The following NTM variants were observed in gnomAD, a reference collection of about 807,000 sequenced individuals.
NTM encodes the protein neurotrimin.
Under a neutral mutation model 42.1 loss-of-function variants are expected in NTM, and 13 were observed. That is an observed-to-expected ratio of 0.31 (90% CI 0.20 to 0.49). The LOEUF is 0.49. NTM is among the 20% of genes least tolerant of loss of function. NTM has a pLI of 0.99. For missense variants in NTM, 373 were observed against 452.8 expected, an observed-to-expected ratio of 0.82 and a Z score of 1.60; for synonymous variants, 187 against 179.2, an observed-to-expected ratio of 1.04 and a Z score of -0.35.
chr11:131,925,825 A>G (rs1014325709), intron 2 of NTM, among the ~76,000 whole-genome samples: 1 of 152,160 alleles, frequency 6.6e-6, no homozygotes, highest in Non-Finnish European at 1.5e-5. Flanking sequence ...AATGGAGGCA[A>G]TGCAGAGACA....
intron 1 of NTM, among the ~76,000 whole-genome samples, chr11:131,450,473 C>A (rs1279251734): frequency 6.6e-6 from 1 of 152,148 alleles, no homozygotes; most frequent in Admixed American, 6.5e-5. Context: ...TGAATCCCCA[C>A]TCTGACAGCT....
At chr11:131,883,205 C>T (rs1331972015) in intron 1 of NTM, among the ~76,000 whole-genome samples, 1 of 152,138 alleles carries the variant, frequency 6.6e-6, no homozygotes, top group Non-Finnish European at 1.5e-5. Context: ...CCTTTTCATG[C>T]CAATTATAGT....
At chr11:131,852,822 T>C (rs12225153) in intron 1 of NTM, among the ~76,000 whole-genome samples, 120,144 of 151,362 alleles carry the variant, frequency 0.79, 48,102 homozygotes, top group African/African-American at 0.88. Context: ...CATCAATTCA[T>C]CTTCTATTCA....
chr11:131,401,860 A>G lies in NTM; in HGVS notation c.82+30972A>G, dbSNP rs1307664444. On this transcript the variant is annotated intron_variant, in intron 1 of 8. Transcript: ENST00000683400. ...TATATATATATATATATATATATATATTTTAATTTAAACTAGGACCTTCAC... is the reference window on the plus strand; with the variant it reads ...TATATATATATATATATATATATATGTTTTAATTTAAACTAGGACCTTCAC... 1.4e-4 allele frequency among the ~76,000 whole-genome samples: 15 copies of G among 107,732 alleles called. No homozygotes were observed. In the East Asian group the frequency reaches 3.7e-3, roughly 27 times the overall value. The allele number at this position is 107,732 out of a possible 152,430, so 70.7% of individuals were successfully genotyped here.
intron 1 of NTM, chr11:131,536,903 A>G (rs2052329433): frequency 6.6e-6 from 1 of 152,252 alleles, no homozygotes; most frequent in Admixed American, 6.5e-5. Flanking sequence ...AGTCATATAA[A>G]TAATGCCCGG....
At chr11:131,814,973 C>T (rs968210836) in intron 1 of NTM, among the ~76,000 whole-genome samples, 1 of 152,012 alleles carries the variant, frequency 6.6e-6, no homozygotes, top group Non-Finnish European at 1.5e-5. Flanking sequence ...CAACACACTG[C>T]GGGCCATGGA....
chr11:132,287,520 G>A (rs1052859230), intron 4 of NTM, among the ~76,000 whole-genome samples: 2 of 152,048 alleles, frequency 1.3e-5, no homozygotes, highest in African/African-American at 4.8e-5. Flanking sequence ...ATAAATTCTT[G>A]GGGGAAAAGA....
At position 132,333,242 on chromosome 11, in the gene NTM, T is replaced by G. The variant is rs79938609; in HGVS notation, c.968-1804T>G. Among the ~76,000 whole-genome samples, 975 of 152,248 alleles carry G rather than the reference T, an allele frequency of 6.4e-3. 8 individuals are homozygous for G. The highest frequency in any genetic ancestry group is 0.022 in the African/African-American group (917 of 41,556). ...GGGCCATATGGACTCAGAACCACCCTTGTCGTCTCAGAGTCCTCAGCCTCG... is the reference window on the plus strand; with the variant it reads ...GGGCCATATGGACTCAGAACCACCCGTGTCGTCTCAGAGTCCTCAGCCTCG... On this transcript the variant is annotated intron_variant, in intron 8 of 8. Coordinates refer to ENST00000683400, the MANE Select transcript of NTM (RefSeq NM_001352005.2).
intron 1 of NTM, among the ~76,000 whole-genome samples, chr11:131,707,771 T>C (rs945376679): frequency 2.0e-5 from 3 of 152,078 alleles, no homozygotes; most frequent in Admixed American, 2.0e-4. Flanking sequence ...AGAAAGAATG[T>C]ACTTCAACAT....
intron 1 of NTM, among the ~76,000 whole-genome samples, chr11:131,570,552 C>T (rs939846022): frequency 2.0e-5 from 3 of 152,154 alleles, no homozygotes; most frequent in East Asian, 1.9e-4. Flanking sequence ...AGGCCAGGCG[C>T]GGTGGCTCAC....
At chr11:132,318,745 T>G (rs1565470471) in intron 7 of NTM, among the ~76,000 whole-genome samples, 1 of 152,100 alleles carries the variant, frequency 6.6e-6, no homozygotes, top group Non-Finnish European at 1.5e-5. Flanking sequence ...TCTCCCACCT[T>G]CCATCCCAAT....
At chr11:131,415,864 C>T (rs889880423) in intron 1 of NTM, among the ~76,000 whole-genome samples, 3 of 152,118 alleles carry the variant, frequency 2.0e-5, no homozygotes, top group African/African-American at 7.2e-5. Context: ...TTTTTGCCCT[C>T]ATTGTCTTTA....
At chr11:131,538,269 A>G (rs1457625345) in intron 1 of NTM, 3 of 152,224 alleles carry the variant, frequency 2.0e-5, no homozygotes, top group African/African-American at 7.2e-5. Flanking sequence ...AAATCTAAAC[A>G]ATAGTGCCTC....
chr11:131,914,221 C>T (rs145366137), intron 2 of NTM, among the ~76,000 whole-genome samples: 1 of 152,294 alleles, frequency 6.6e-6, no homozygotes, highest in African/African-American at 2.4e-5. Context: ...GTTCAGAGTT[C>T]TGAGTTATTT....
At chr11:132,250,765 A>T (rs941726420) in intron 4 of NTM, among the ~76,000 whole-genome samples, 1 of 151,768 alleles carries the variant, frequency 6.6e-6, no homozygotes, top group Non-Finnish European at 1.5e-5. Flanking sequence ...TTATTTTCCA[A>T]TATTATTAGT....
chr11:131,493,787 T>A (rs1955050467), intron 1 of NTM, among the ~76,000 whole-genome samples: 1 of 152,144 alleles, frequency 6.6e-6, no homozygotes, highest in Admixed American at 6.6e-5. Flanking sequence ...ACCTCCCTAT[T>A]CCTTTACCCA....
intron 2 of NTM, among the ~76,000 whole-genome samples, chr11:132,013,253 T>C (rs1354411748): frequency 1.3e-5 from 2 of 152,112 alleles, no homozygotes; most frequent in African/African-American, 4.8e-5. Context: ...AGAGAACCAC[T>C]TGAAGAGTGG....
intron 2 of NTM, among the ~76,000 whole-genome samples, chr11:131,961,328 T>G (rs1565831266): frequency 6.6e-6 from 1 of 151,788 alleles, no homozygotes; most frequent in Non-Finnish European, 1.5e-5. Context: ...GTGTGTGGAG[T>G]GGGAGGACAT....
intron 1 of NTM, among the ~76,000 whole-genome samples, chr11:131,374,323 G>C (rs910803030): frequency 3.3e-5 from 5 of 152,204 alleles, no homozygotes; most frequent in Non-Finnish European, 7.3e-5. Context: ...CTGAGCATTC[G>C]CTCAAGCGTG....
Sources: gnomAD v4.1 joint callset for allele counts (sites outside exome capture counted in the v4.1 genomes callset) on GRCh38, gnomAD v4.1.1 for gene constraint, MANE v1.5 for transcripts, NCBI Gene and HGNC (gene_info 2026-07-23, HGNC 2026-07-21) for gene names.